Variants in SNAPC3 observed in about 807,000 individuals in gnomAD.
SNAPC3 encodes small nuclear RNA activating complex polypeptide 3, also known as snRNA-activating protein complex subunit 3.
Under a neutral mutation model 47.7 loss-of-function variants are expected in SNAPC3, and 56 were observed. That is an observed-to-expected ratio of 1.18 (90% CI 0.95 to 1.47). The LOEUF (loss-of-function observed/expected upper bound fraction) is 1.47. SNAPC3 is among the 40% of genes most tolerant of loss of function. The probability of loss-of-function intolerance (pLI) is 0.00; values close to 1 mark genes in which losing one functional copy is unlikely to be tolerated. For missense variants in SNAPC3, 665 were observed against 511.3 expected (o/e 1.30, Z -2.90); for synonymous variants, 235 against 189.9 (o/e 1.24, Z -1.95).
At chr9:15,446,225 G>T (rs942152834) in intron 4 of SNAPC3, among the ~76,000 whole-genome samples, 1 of 152,128 alleles carries the variant, frequency 6.6e-6, no homozygotes, top group East Asian at 1.9e-4. Flanking sequence ...TTGTTGGTTT[G>T]TTTGTTTTTG....
chr9:15,437,380 C>T lies in SNAPC3; in HGVS notation c.477+3744C>T, dbSNP rs140555350. Among the ~76,000 whole-genome samples, 16 of 152,080 alleles carry T rather than the reference C, an allele frequency of 1.1e-4. No individual in the cohort carries two copies. In the South Asian group the frequency reaches 3.1e-3, roughly 30 times the overall value. Reference sequence around the variant, plus strand: ...CCTGAGTAGCTGGGACTACAGGCGCCCATCACAATGCCTGGCTACTTTTTG... The same window carrying T: ...CCTGAGTAGCTGGGACTACAGGCGCTCATCACAATGCCTGGCTACTTTTTG... On this transcript the variant is annotated intron_variant, in intron 3 of 8. Coordinates refer to ENST00000380821, the MANE Select transcript of SNAPC3 (RefSeq NM_001039697.2).
chr9:15,448,916 T>G (rs1323229083), intron 5 of SNAPC3, among the ~76,000 whole-genome samples: 1 of 152,072 alleles, frequency 6.6e-6, no homozygotes, highest in African/African-American at 2.4e-5. Context: ...TTCAAGTGAT[T>G]CTCGTGCTTC....
chr9:15,453,227 A>G, intron 7 of SNAPC3, 22 bp downstream of exon 7: 1 of 1,548,626 alleles, frequency 6.5e-7, no homozygotes, highest in Non-Finnish European at 8.7e-7. Context: ...CACTTAAGAC[A>G]TTTTGTTACC....
At chr9:15,448,314 T>G (rs1055458211) in intron 5 of SNAPC3, among the ~76,000 whole-genome samples, 108 of 152,334 alleles carry the variant, frequency 7.1e-4, no homozygotes, top group African/African-American at 2.2e-3. Flanking sequence ...CTGAACTGTT[T>G]ACTTGCTGCC....
chr9:15,427,874 C>G (rs1412706551), intron 2 of SNAPC3, among the ~76,000 whole-genome samples: 1 of 152,008 alleles, frequency 6.6e-6, no homozygotes, highest in Non-Finnish European at 1.5e-5. Context: ...TTTAAAAAAA[C>G]TTAAACAGGG....
intron 5 of SNAPC3, among the ~76,000 whole-genome samples, chr9:15,450,354 G>C (rs1033401248): frequency 6.6e-6 from 1 of 152,114 alleles, no homozygotes; most frequent in Non-Finnish European, 1.5e-5. Flanking sequence ...AAAAATGGAA[G>C]CTTCAAAGAA....
chr9:15,455,371 G>A (rs536121606), intron 7 of SNAPC3, among the ~76,000 whole-genome samples: 17 of 151,964 alleles, frequency 1.1e-4, no homozygotes, highest in South Asian at 8.3e-4. Flanking sequence ...GTTCAAGACC[G>A]GCCTGGCCAA....
At chr9:15,450,401 T>C (rs190756166) in intron 5 of SNAPC3, among the ~76,000 whole-genome samples, 224 of 152,312 alleles carry the variant, frequency 1.5e-3, no homozygotes, top group African/African-American at 5.1e-3. Flanking sequence ...TAAAATTATT[T>C]TAGTACCTGA....
chr9:15,461,064 T>C lies in SNAPC3; in HGVS notation c.*1198T>C, dbSNP rs956263466. The C allele has an allele frequency of 2.0e-5, 3 of 151,994 alleles. No individual in the cohort carries two copies. The highest frequency in any genetic ancestry group is 2.9e-5 in the Non-Finnish European group (2 of 67,972). 9.4% of individuals were successfully genotyped at this position (151,994 alleles called of 1,614,324 possible). ...TATAAGCAAAAAGAAAAAAAATAAG[T>C]TTTCCTGGCCCAGGTCTTCCATTCT... On this transcript the variant is annotated 3_prime_UTR_variant, in exon 9 of 9. Transcript: ENST00000380821.
At chr9:15,438,726 G>T (rs1004235859) in intron 3 of SNAPC3, among the ~76,000 whole-genome samples, 1 of 152,070 alleles carries the variant, frequency 6.6e-6, no homozygotes, top group Admixed American at 6.6e-5. Context: ...ATGATCAGAA[G>T]AGTTACGTTT....
At chr9:15,452,964 C>CT in intron 6 of SNAPC3, 77 bp from the exon 7 acceptor site, 1 of 1,211,096 alleles carries the variant, frequency 8.3e-7, no homozygotes. Context: ...ATGTGAATTA[C>CT]TGCAATCACA....
intron 3 of SNAPC3, among the ~76,000 whole-genome samples, chr9:15,436,593 T>G (rs1483486335): frequency 2.0e-5 from 3 of 152,190 alleles, no homozygotes; most frequent in African/African-American, 7.2e-5. Flanking sequence ...CCAACTTTGT[T>G]CATGTTTTTC....
At chr9:15,433,723 C>G in intron 3 of SNAPC3, 87 bp downstream of exon 3, 1 of 804,956 alleles carries the variant, frequency 1.2e-6, no homozygotes, top group Non-Finnish European at 2.1e-6. Flanking sequence ...AGTATGGTAG[C>G]TTTATACTGG....
intron 7 of SNAPC3, among the ~76,000 whole-genome samples, chr9:15,457,271 A>T (rs1051893883): frequency 6.6e-6 from 1 of 152,160 alleles, no homozygotes; most frequent in Non-Finnish European, 1.5e-5. Flanking sequence ...ATCACTGAGT[A>T]GCTTTGCCCA....
chr9:15,442,283 C>T (rs2033500009), intron 3 of SNAPC3, among the ~76,000 whole-genome samples: 1 of 150,728 alleles, frequency 6.6e-6, no homozygotes, highest in Non-Finnish European at 1.5e-5. Context: ...GGGCGGCTGG[C>T]CGGGCGGGGG....
At chr9:15,442,533 G>A (rs1010725224) in intron 3 of SNAPC3, among the ~76,000 whole-genome samples, 4 of 151,550 alleles carry the variant, frequency 2.6e-5, no homozygotes, top group East Asian at 2.0e-4. Context: ...CTCCCAGATC[G>A]GGTGGCGGCC....
chr9:15,450,942 T>C (rs2034339656), intron 5 of SNAPC3, among the ~76,000 whole-genome samples: 1 of 152,194 alleles, frequency 6.6e-6, no homozygotes, highest in African/African-American at 2.4e-5. Context: ...AGAATTTTTG[T>C]AAAAACATTG....
downstream of SNAPC3, chr9:15,464,321 A>AT (rs1431358909): frequency 5.2e-6 from 1 of 193,414 alleles, no homozygotes; most frequent in East Asian, 8.2e-5. Context: ...GTCTTAAGCC[A>AT]TTTTTTTCCA....
At position 15,459,702 on chromosome 9, in the gene SNAPC3, T is replaced by A; in HGVS notation, c.1089-17T>A. On this transcript the variant is annotated splice_polypyrimidine_tract_variant and intron_variant, in intron 8 of 8. Transcript: ENST00000380821. ...AATTTGATTGTAATGATGTACTTCT[T>A]TTTTTAAAAACTACAGATGGGTGAC... is the stretch of plus-strand genomic sequence containing the variant. The A allele has an allele frequency of 6.2e-7, 1 of 1,609,450 alleles. No individual in the cohort carries two copies. The highest frequency in any genetic ancestry group is 8.5e-7 in the Non-Finnish European group (1 of 1,177,576).
Sources: allele counts gnomAD v4.1 joint callset (sites outside exome capture counted in the v4.1 genomes callset), GRCh38; gene constraint gnomAD v4.1.1; transcripts MANE v1.5; gene names NCBI Gene and HGNC (gene_info 2026-07-23, HGNC 2026-07-21).